PLCL1: variants seen among roughly 807,000 people sequenced by gnomAD.
PLCL1 encodes phospholipase C like 1 (inactive).
In PLCL1, 41 loss-of-function variants were observed where a neutral mutation model predicts 84.4. That is an observed-to-expected ratio of 0.49 (90% confidence interval 0.38 to 0.63). The LOEUF (loss-of-function observed/expected upper bound fraction) is 0.63, where lower values mean the gene tolerates loss of function less well. PLCL1 is among the 30% of genes least tolerant of loss of function. The probability of loss-of-function intolerance (pLI) is 0.00; values close to 1 mark genes in which losing one functional copy is unlikely to be tolerated. For missense variants in PLCL1, 1,206 were observed against 1,367.8 expected (o/e 0.88, Z 1.87); for synonymous variants, 490 against 488.3 (o/e 1.00, Z -0.05).
chr2:197,918,759 C>CA (rs1423303824), intron 1 of PLCL1, among the ~76,000 whole-genome samples: 7 of 151,696 alleles, frequency 4.6e-5, no homozygotes, highest in Non-Finnish European at 8.8e-5. Flanking sequence ...CAATCTCTGC[C>CA]AAAAAAATCC....
At chr2:197,994,023 G>T (rs1200073542) in intron 1 of PLCL1, among the ~76,000 whole-genome samples, 1 of 152,134 alleles carries the variant, frequency 6.6e-6, no homozygotes, top group African/African-American at 2.4e-5. Context: ...TTACCCTTTA[G>T]GGTTCTCAAG....
chr2:198,118,214 A>G (rs1693789879), intron 5 of PLCL1, among the ~76,000 whole-genome samples: 1 of 151,976 alleles, frequency 6.6e-6, no homozygotes, highest in African/African-American at 2.4e-5. Flanking sequence ...TTACAATTTT[A>G]AATTCTGAAA....
chr2:197,819,884 ATGTGTGTGTGTGTGTGTGTGTG>A (rs57885218), intron 1 of PLCL1, among the ~76,000 whole-genome samples: 1 of 140,572 alleles, frequency 7.1e-6, no homozygotes, highest in Non-Finnish European at 1.6e-5. Flanking sequence ...ACTATTATGC[ATGTGTGTGTGTGTGTGTGTGTG>A]TGTGTGTGTG....
intron 5 of PLCL1, among the ~76,000 whole-genome samples, chr2:198,124,862 T>C (rs1257450875): frequency 2.0e-5 from 3 of 152,204 alleles, no homozygotes; most frequent in African/African-American, 7.2e-5. Context: ...GTTGGCACTT[T>C]TTAGCCCGTG....
chr2:197,877,574 A>G (rs1687758750), intron 1 of PLCL1, among the ~76,000 whole-genome samples: 1 of 152,132 alleles, frequency 6.6e-6, no homozygotes, highest in African/African-American at 2.4e-5. Flanking sequence ...AAGAAATAAT[A>G]TATTTTACCA....
chr2:197,936,832 G>A (rs1255748725), intron 1 of PLCL1, among the ~76,000 whole-genome samples: 1 of 152,048 alleles, frequency 6.6e-6, no homozygotes, highest in Non-Finnish European at 1.5e-5. Flanking sequence ...TGCTTTTAAA[G>A]TCATATACAA....
At chr2:197,893,909 C>T (rs1309623389) in intron 1 of PLCL1, among the ~76,000 whole-genome samples, 1 of 151,870 alleles carries the variant, frequency 6.6e-6, no homozygotes, top group Admixed American at 6.6e-5. Flanking sequence ...GGCTCTTTGA[C>T]TTTTTGCTCT....
intron 1 of PLCL1, among the ~76,000 whole-genome samples, chr2:198,031,991 A>G (rs1201972716): frequency 6.6e-6 from 1 of 152,194 alleles, no homozygotes; most frequent in Non-Finnish European, 1.5e-5. Context: ...TTGGGCATGT[A>G]GAATAAATCC....
At chr2:198,022,726 C>T (rs985267706) in intron 1 of PLCL1, among the ~76,000 whole-genome samples, 24 of 152,120 alleles carry the variant, frequency 1.6e-4, no homozygotes, top group African/African-American at 5.8e-4. Flanking sequence ...GAACTACAAA[C>T]CACTGCTCAA....
intron 5 of PLCL1, among the ~76,000 whole-genome samples, chr2:198,118,040 T>C (rs1252638340): frequency 6.6e-6 from 1 of 151,916 alleles, no homozygotes; most frequent in Non-Finnish European, 1.5e-5. Context: ...ACCCTGCTTA[T>C]TGTAAGCTCT....
intron 1 of PLCL1, among the ~76,000 whole-genome samples, chr2:197,983,185 T>TTTTTC (rs1251723588): frequency 2.8e-5 from 4 of 145,440 alleles, no homozygotes; most frequent in Non-Finnish European, 6.0e-5. Context: ...TTTCTTTTTC[T>TTTTTC]TTTTCTTTTC....
chr2:198,144,544 T>C (rs1221081716), intron 5 of PLCL1, among the ~76,000 whole-genome samples: 6 of 152,200 alleles, frequency 3.9e-5, no homozygotes, highest in African/African-American at 1.4e-4. Context: ...TCATTGTGAT[T>C]CCTATACTTA....
chr2:198,139,902 A>G (rs1249447304), intron 5 of PLCL1, among the ~76,000 whole-genome samples: 1 of 152,120 alleles, frequency 6.6e-6, no homozygotes, highest in Non-Finnish European at 1.5e-5. Context: ...TAACAGGGAC[A>G]ATAAATGAGA....
Position 197,848,336 on chromosome 2 carries a change from A to G in PLCL1, c.240+42997A>G, listed in dbSNP as rs976515188. ...GAGACTAAGATTTCTGATAAGAAAG[A>G]GTAGAAGAAAAGGTAGAAATTCAAC... On this transcript the variant is annotated intron_variant, in intron 1 of 5. Transcript: ENST00000428675. 3.9e-5 allele frequency among the ~76,000 whole-genome samples: 6 copies of G among 152,354 alleles called. No individual in the cohort carries two copies. The East Asian group carries it at 9.6e-4, about 24-fold the overall frequency.
chr2:197,923,191 C>A (rs1474109376), intron 1 of PLCL1, among the ~76,000 whole-genome samples: 1 of 147,388 alleles, frequency 6.8e-6, no homozygotes, highest in African/African-American at 2.5e-5. Context: ...GACGGGGCGG[C>A]TGGCCGGGCG....
intron 1 of PLCL1, among the ~76,000 whole-genome samples, chr2:198,068,988 T>C (rs756536836): frequency 3.2e-4 from 48 of 151,836 alleles, no homozygotes; most frequent in Non-Finnish European, 6.6e-4. Context: ...TGAGCTGAGG[T>C]TGCACCACTG....
chr2:197,954,112 AC>A, intron 1 of PLCL1, among the ~76,000 whole-genome samples: 1 of 152,238 alleles, frequency 6.6e-6, no homozygotes. Flanking sequence ...GATATTTAGA[AC>A]TGAAAGCTCA....
At chr2:197,849,377 T>C (rs1374127020) in intron 1 of PLCL1, among the ~76,000 whole-genome samples, 1 of 152,130 alleles carries the variant, frequency 6.6e-6, no homozygotes, top group African/African-American at 2.4e-5. Context: ...AGAGACCCCA[T>C]CTCTACAAAA....
rs1188554734 is a variant in PLCL1, at chr2:197,866,091, CTA to C, written c.240+60765_240+60766del. 1.5e-3 allele frequency among the ~76,000 whole-genome samples: 32 copies of C among 20,660 alleles called. 1 individual carries two copies. Among genetic ancestry groups the C allele is most frequent in the South Asian group, 0.013 (8 of 610 alleles). The allele number at this position is 20,660 out of a possible 152,430, so 13.6% of individuals were successfully genotyped here. A position where few individuals can be genotyped will look rare whatever the true frequency, so the allele number is the denominator to read the frequency against. On this transcript the variant is annotated intron_variant, in intron 1 of 5. Transcript: ENST00000428675. ...CACTATATATATATATATATATAAA[CTA>C]TATATATATATAAACTATATATATA...
Sources: gnomAD v4.1 joint callset for allele counts (sites outside exome capture counted in the v4.1 genomes callset) on GRCh38, gnomAD v4.1.1 for gene constraint, MANE v1.5 for transcripts, NCBI Gene and HGNC (gene_info 2026-07-23, HGNC 2026-07-21) for gene names.